Variants in MFSD11 observed in about 807,000 individuals in gnomAD.
MFSD11 encodes major facilitator superfamily domain containing 11.
A neutral mutation model predicts 53.5 loss-of-function variants in MFSD11; 36 were observed. The observed-to-expected ratio is 0.67, with a 90% CI of 0.52 to 0.89. MFSD11 has a LOEUF of 0.89. Among genes scored for constraint, MFSD11 ranks in the 40% least tolerant of loss-of-function variants. MFSD11 has a pLI of 0.00. For missense variants in MFSD11, 530 were observed against 543.9 expected (o/e 0.97, Z 0.25); for synonymous variants, 186 against 184.9 (o/e 1.01, Z -0.05).
chr17:76,744,960 T>A (rs1279726592), intron 7 of MFSD11, among the ~76,000 whole-genome samples: 2 of 152,168 alleles, frequency 1.3e-5, no homozygotes, highest in Non-Finnish European at 2.9e-5. Flanking sequence ...TGCACTAACT[T>A]ACATAGGCGG....
At chr17:76,743,658 C>T (rs996957258) in intron 6 of MFSD11, among the ~76,000 whole-genome samples, 1 of 151,910 alleles carries the variant, frequency 6.6e-6, no homozygotes, top group Non-Finnish European at 1.5e-5. Flanking sequence ...CTCTTGTTAC[C>T]CAGGCTGGAA....
At chr17:76,768,901 G>C (rs888833096) in intron 9 of MFSD11, among the ~76,000 whole-genome samples, 2 of 151,396 alleles carry the variant, frequency 1.3e-5, no homozygotes, top group African/African-American at 4.9e-5. Flanking sequence ...AAGGAGAATT[G>C]CTTGAACCTG....
intron 8 of MFSD11, among the ~76,000 whole-genome samples, chr17:76,758,581 C>CAAAAA (rs56750819): frequency 1.7e-5 from 1 of 58,036 alleles, no homozygotes. Context: ...GACCAGGTCT[C>CAAAAA]AAAAAAAAAA....
In MFSD11 at chr17:76,754,051, G is replaced by A; in HGVS notation, c.646G>A (p.Ala216Thr). The A allele has an allele frequency of 6.2e-7, 1 of 1,612,182 alleles. No homozygotes were observed. Residue 216 changes from alanine (A) to threonine (T), a missense_variant, in exon 8 of 13, where the codon GCC becomes ACC. Transcript: ENST00000685175. ...DDQDMEVNES[A>T]QNNLTKAVDA... ...TTTTACATTTTATTTTCTCAGGTCT[G>A]CCCAGAACAATCTGACAAAGGCAGT...
downstream of MFSD11, among the ~76,000 whole-genome samples, chr17:76,784,617 G>A (rs1322386300): frequency 6.6e-6 from 1 of 151,332 alleles, no homozygotes; most frequent in East Asian, 2.0e-4. Flanking sequence ...TCCTCAGGCC[G>A]GGTATGGTGG....
At chr17:76,787,523 C>A in the MFSD11 span, among the ~76,000 whole-genome samples, 1 of 150,192 alleles carries the variant, frequency 6.7e-6, no homozygotes, top group African/African-American at 2.4e-5. Context: ...AGAAAATATT[C>A]TTTGCAATAT....
chr17:76,793,330 T>TTC, the MFSD11 span, among the ~76,000 whole-genome samples: 3 of 151,510 alleles, frequency 2.0e-5, no homozygotes, highest in African/African-American at 7.3e-5. Flanking sequence ...CGCATTCTCT[T>TTC]TCAGGGCTGT....
chr17:76,784,649 C>G (rs8067157), downstream of MFSD11, among the ~76,000 whole-genome samples: 9,056 of 152,094 alleles, frequency 0.06, 921 homozygotes, highest in African/African-American at 0.2. Context: ...AATTCCAGCA[C>G]TTTGGGAGGC....
Position 76,738,227 on chromosome 17 carries a change from GCTGCCTGGCTC to G in MFSD11, c.-121_-111del. The G allele has an allele frequency of 1.5e-6, 1 of 653,160 alleles. No homozygotes were observed. Among genetic ancestry groups the G allele is most frequent in the South Asian group, 1.9e-5 (1 of 53,900 alleles). 40.5% of individuals were successfully genotyped at this position (653,160 alleles called of 1,614,324 possible). Reference sequence around the variant, plus strand: ...CCAGGAACTGGAAGTTGACAGCTTGGCTGCCTGGCTCCTGCATCTGCCTTCTCCACTCACCA... The same window carrying G: ...CCAGGAACTGGAAGTTGACAGCTTGGCTGCATCTGCCTTCTCCACTCACCA... On this transcript the variant is annotated 5_prime_UTR_variant, in exon 1 of 13. Transcript: ENST00000685175.
At chr17:76,785,713 C>G (rs1328841816), downstream of MFSD11, among the ~76,000 whole-genome samples, 1 of 152,018 alleles carries the variant, frequency 6.6e-6, no homozygotes, top group Non-Finnish European at 1.5e-5. Flanking sequence ...GGTTGCACAG[C>G]ATTATAATGT....
In MFSD11 at chr17:76,776,449, G is replaced by T. The variant is rs771607136; in HGVS notation, c.1093G>T (p.Asp365Tyr). The T allele has an allele frequency of 6.2e-7, 1 of 1,614,040 alleles. No individual in the cohort carries two copies. The highest frequency in any genetic ancestry group is 1.7e-5 in the Admixed American group (1 of 60,004). Residue 365 changes from aspartate to tyrosine, a missense_variant, in exon 12 of 13, where the codon GAC becomes TAC. Asp to Tyr is a radical substitution (Grantham distance 160, BLOSUM62 -3). Coordinates refer to ENST00000685175, the MANE Select transcript of MFSD11 (RefSeq NM_001242532.5). This position sits in a 1 kb window ranked among gnomAD's most constrained non-coding sequence, Gnocchi z 4.2. ...ILCSFLLGLG[D>Y]SCFNTQLLSI... ...CTGCAGTTTTCTGTTGGGCCTTGGAGACAGCTGCTTTAATACCCAGCTGCT... is the reference window on the plus strand; with the variant it reads ...CTGCAGTTTTCTGTTGGGCCTTGGATACAGCTGCTTTAATACCCAGCTGCT...
At chr17:76,793,336 G>C in the MFSD11 span, among the ~76,000 whole-genome samples, 1 of 151,322 alleles carries the variant, frequency 6.6e-6, no homozygotes, top group African/African-American at 2.5e-5. Context: ...CTCTTTCAGG[G>C]CTGTTCCTTG....
chr17:76,742,104 TA>T, intron 4 of MFSD11, 56 bp downstream of exon 4: 4 of 1,613,848 alleles, frequency 2.5e-6, no homozygotes, highest in Non-Finnish European at 3.4e-6. Context: ...TATCTAAGGG[TA>T]TTATTTATGT....
Position 76,774,985 on chromosome 17 carries a change from C to T in MFSD11, c.875-12C>T. The T allele has an allele frequency of 6.2e-7, 1 of 1,610,830 alleles. No individual in the cohort carries two copies. Among genetic ancestry groups the T allele is most frequent in the Non-Finnish European group, 8.5e-7 (1 of 1,178,350 alleles). On this transcript the variant is annotated splice_polypyrimidine_tract_variant and intron_variant, in intron 10 of 12. Transcript: ENST00000685175. ...GCAACATTAGTGACGTTTCTGCCATCTTGACTTATAGGTGGAAGCCTCTTC... is the reference window on the plus strand; with the variant it reads ...GCAACATTAGTGACGTTTCTGCCATTTTGACTTATAGGTGGAAGCCTCTTC...
At chr17:76,774,028 T>C (rs1230798056) in intron 10 of MFSD11, among the ~76,000 whole-genome samples, 1 of 151,322 alleles carries the variant, frequency 6.6e-6, no homozygotes, top group Non-Finnish European at 1.5e-5. Flanking sequence ...TGGGTTCAAG[T>C]GATTCTCCTG....
chr17:76,738,565 A>T, intron 1 of MFSD11, 117 bp downstream of exon 1: 2 of 722,000 alleles, frequency 2.8e-6, no homozygotes, highest in Non-Finnish European at 4.6e-6. Flanking sequence ...CATTTTTCCC[A>T]CCCAGACTTC....
chr17:76,796,829 A>T, the MFSD11 span, among the ~76,000 whole-genome samples: 2 of 148,176 alleles, frequency 1.3e-5, no homozygotes, highest in African/African-American at 5.1e-5. Context: ...AAAAAAAAAA[A>T]ATTAGCTGGA....
chr17:76,738,666 T>C (rs2077741583), intron 1 of MFSD11: 1 of 603,598 alleles, frequency 1.7e-6, no homozygotes, highest in Non-Finnish European at 2.9e-6. Context: ...TGATTAGGGG[T>C]TTGGATGTTA....
At position 76,744,368 on chromosome 17, in the gene MFSD11, T is replaced by G. The variant is rs1444896604; in HGVS notation, c.543T>G (p.Leu181=). Reference sequence around the variant, plus strand: ...TTATTGCCCTAACGGTGATTAGCCTTGTGGGGACAGTTCTATTCTTTCTCA... The same window carrying G: ...TTATTGCCCTAACGGTGATTAGCCTGGTGGGGACAGTTCTATTCTTTCTCA... ...TVFIALTVIS[L]VGTVLFFLIR... Residue 181 remains leucine (L), a synonymous_variant, in exon 7 of 13, where the codon CTT becomes CTG. Transcript: ENST00000685175. The G allele has an allele frequency of 1.2e-6, 2 of 1,614,034 alleles. No homozygotes were observed. Among genetic ancestry groups the G allele is most frequent in the Admixed American group, 3.3e-5 (2 of 59,994 alleles).
Sources: allele counts gnomAD v4.1 joint callset (sites outside exome capture counted in the v4.1 genomes callset), GRCh38; gene constraint gnomAD v4.1.1; non-coding constraint Gnocchi (gnomAD v3.1); transcripts MANE v1.5; gene names NCBI Gene and HGNC (gene_info 2026-07-23, HGNC 2026-07-21).